Variants in SHANK2 observed in about 807,000 individuals in gnomAD.
SHANK2 encodes SH3 and multiple ankyrin repeat domains 2.
Under a neutral mutation model 133.7 loss-of-function variants are expected in SHANK2, and 43 were observed. The ratio of observed to expected loss-of-function variants is 0.32; its 90% CI spans 0.25 to 0.41. The LOEUF is 0.41. SHANK2 is among the 10% of genes least tolerant of loss of function. The probability of loss-of-function intolerance (pLI) is 1.00; values close to 1 mark genes in which losing one functional copy is unlikely to be tolerated. For synonymous variants in SHANK2, 1,017 were observed against 952.8 expected, an observed-to-expected ratio of 1.07 and a Z score of -1.24; for missense variants, 1,994 against 2,235.8, an observed-to-expected ratio of 0.89 and a Z score of 2.18.
chr11:70,815,777 T>C (rs1948380587), intron 12 of SHANK2, among the ~76,000 whole-genome samples: 1 of 152,120 alleles, frequency 6.6e-6, no homozygotes, highest in African/African-American at 2.4e-5. Flanking sequence ...AGGCTGCACT[T>C]GAGGGTGTGA....
At chr11:71,151,396 C>T (rs1183909758) in intron 2 of SHANK2, among the ~76,000 whole-genome samples, 8 of 152,324 alleles carry the variant, frequency 5.3e-5, no homozygotes, top group African/African-American at 9.6e-5. Context: ...GCAGGCACTC[C>T]GGCCTCACCC....
intron 17 of SHANK2, among the ~76,000 whole-genome samples, chr11:70,509,233 G>C (rs575619024): frequency 6.6e-6 from 1 of 152,192 alleles, no homozygotes; most frequent in East Asian, 1.9e-4. Flanking sequence ...GTGCATCTCT[G>C]TCTGCTGCCC....
At chr11:70,652,647 A>C (rs930601650) in intron 17 of SHANK2, among the ~76,000 whole-genome samples, 2 of 152,026 alleles carry the variant, frequency 1.3e-5, no homozygotes, top group Non-Finnish European at 2.9e-5. Flanking sequence ...CTGGCTCTAT[A>C]AAAAAGTACA....
intron 14 of SHANK2, among the ~76,000 whole-genome samples, chr11:70,708,892 G>A (rs1429558746): frequency 6.6e-6 from 1 of 152,202 alleles, no homozygotes; most frequent in Non-Finnish European, 1.5e-5. Flanking sequence ...GACCCCCCCT[G>A]CTGACCTCCA....
intron 17 of SHANK2, among the ~76,000 whole-genome samples, chr11:70,649,647 A>AG (rs1317697168): frequency 4.0e-5 from 6 of 149,952 alleles, no homozygotes; most frequent in Non-Finnish European, 1.5e-5. Context: ...GGGAGGGAGG[A>AG]GGGGGGCAGG....
chr11:71,112,635 G>A (rs971157329), intron 5 of SHANK2, among the ~76,000 whole-genome samples: 1 of 152,138 alleles, frequency 6.6e-6, no homozygotes, highest in Non-Finnish European at 1.5e-5. Flanking sequence ...GGGGCCAGGG[G>A]CCAGGACAAA....
chr11:70,637,778 G>A (rs992258622), intron 17 of SHANK2, among the ~76,000 whole-genome samples: 6 of 152,170 alleles, frequency 3.9e-5, no homozygotes, highest in African/African-American at 4.8e-5. Context: ...TTTCCTTCCC[G>A]CACCCCACAC....
At chr11:71,249,047 A>G (rs1485991053) in intron 1 of SHANK2, among the ~76,000 whole-genome samples, 1 of 152,174 alleles carries the variant, frequency 6.6e-6, no homozygotes, top group Non-Finnish European at 1.5e-5. Flanking sequence ...TCCTCTGACC[A>G]TGAGAGAATG....
intron 2 of SHANK2, among the ~76,000 whole-genome samples, chr11:71,204,852 T>C (rs916724695): frequency 2.6e-5 from 4 of 152,138 alleles, no homozygotes; most frequent in Non-Finnish European, 4.4e-5. Flanking sequence ...CAATGGCCCA[T>C]CCACAGGATG....
At chr11:71,095,139 G>T (rs1951584187) in intron 6 of SHANK2, among the ~76,000 whole-genome samples, 1 of 152,254 alleles carries the variant, frequency 6.6e-6, no homozygotes, top group Admixed American at 6.5e-5. Context: ...CCAGCCATGG[G>T]CTGCAGGGAC....
rs901281280 is a variant in SHANK2 at position 70,486,430 on chromosome 11, C to T, written c.3863G>A (p.Arg1288Gln). The T allele has an allele frequency of 3.5e-5, 57 of 1,613,960 alleles. No homozygotes were observed. The highest frequency in any genetic ancestry group is 4.5e-5 in the East Asian group (2 of 44,888). ...TENKYETDLG[R>Q]DRKGDDKKNM... ...CTTCTTGTCATCGCCTTTCCGGTCTCGGCCCAGGTCGGTCTCGTACTTGTT... is the reference window on the plus strand; with the variant it reads ...CTTCTTGTCATCGCCTTTCCGGTCTTGGCCCAGGTCGGTCTCGTACTTGTT... Residue 1288 changes from arginine (R) to glutamine (Q), a missense_variant, in exon 25 of 26, where the codon CGA becomes CAA. Coordinates refer to ENST00000601538, the MANE Select transcript of SHANK2 (RefSeq NM_012309.5). The surrounding 1 kb of genome is among the most constrained non-coding windows in gnomAD (Gnocchi z 8.0).
At chr11:71,140,083 C>T (rs1952524545) in intron 3 of SHANK2, among the ~76,000 whole-genome samples, 1 of 152,190 alleles carries the variant, frequency 6.6e-6, no homozygotes, top group African/African-American at 2.4e-5. Context: ...GTCTCGTGTC[C>T]CTGGCTCCAC....
At chr11:70,520,537 G>C (rs1249683879) in intron 17 of SHANK2, among the ~76,000 whole-genome samples, 2 of 152,128 alleles carry the variant, frequency 1.3e-5, no homozygotes, top group Non-Finnish European at 2.9e-5. Flanking sequence ...TTTCGCTGTT[G>C]GTGCTGGCCC....
chr11:70,513,659 G>A (rs1216556108), intron 17 of SHANK2, among the ~76,000 whole-genome samples: 2 of 152,094 alleles, frequency 1.3e-5, no homozygotes, highest in African/African-American at 4.8e-5. Flanking sequence ...AAGGAAAATA[G>A]GCTTATAATG....
intron 2 of SHANK2, among the ~76,000 whole-genome samples, chr11:71,206,119 C>T (rs1438044142): frequency 6.6e-6 from 1 of 152,190 alleles, no homozygotes; most frequent in African/African-American, 2.4e-5. Flanking sequence ...TACGCGAACT[C>T]ACTCTGCAAA....
At chr11:70,707,400 G>C (rs1039353693) in intron 14 of SHANK2, among the ~76,000 whole-genome samples, 2 of 144,228 alleles carry the variant, frequency 1.4e-5, no homozygotes, top group African/African-American at 2.6e-5. Context: ...AAAAAAAAGA[G>C]AGAGAGAGAT....
intron 14 of SHANK2, among the ~76,000 whole-genome samples, chr11:70,756,521 T>C (rs1946877131): frequency 6.6e-6 from 1 of 152,068 alleles, no homozygotes; most frequent in Non-Finnish European, 1.5e-5. Context: ...GCCTGCACGC[T>C]CCTTCCCTCC....
chr11:70,523,760 A>C (rs570145422), intron 17 of SHANK2, among the ~76,000 whole-genome samples: 15 of 152,156 alleles, frequency 9.9e-5, no homozygotes, highest in Admixed American at 2.6e-4. Context: ...TCAGTCCACT[A>C]TCTTGTTCTC....
At chr11:71,209,815 TG>T (rs1209161864) in intron 2 of SHANK2, among the ~76,000 whole-genome samples, 1 of 152,030 alleles carries the variant, frequency 6.6e-6, no homozygotes, top group African/African-American at 2.4e-5. Flanking sequence ...AGAGATATAC[TG>T]GGGGGTCTCT....
Sources: gnomAD v4.1 joint callset for allele counts (sites outside exome capture counted in the v4.1 genomes callset) on GRCh38, gnomAD v4.1.1 for gene constraint, Gnocchi (gnomAD v3.1) non-coding constraint, MANE v1.5 for transcripts, NCBI Gene and HGNC (gene_info 2026-07-23, HGNC 2026-07-21) for gene names.